Variants in DNAAF4 observed in about 807,000 individuals in gnomAD.
DNAAF4 encodes the protein dynein assembly factor 4, axonemal.
DNAAF4 carries 43 observed loss-of-function variants against 51.8 expected under a neutral mutation model. The observed-to-expected ratio is 0.83, with a 90% CI of 0.65 to 1.07. The LOEUF is 1.07. DNAAF4 is among the 50% of genes least tolerant of loss of function. The probability of loss-of-function intolerance (pLI) is 0.00; values close to 1 mark genes in which losing one functional copy is unlikely to be tolerated. For synonymous variants in DNAAF4, 194 were observed against 165.6 expected (o/e 1.17, Z -1.32); for missense variants, 581 against 493.0 (o/e 1.18, Z -1.69).
chr15:55,466,087 T>C (rs1025344286), intron 5 of DNAAF4, among the ~76,000 whole-genome samples: 5 of 152,210 alleles, frequency 3.3e-5, no homozygotes, highest in African/African-American at 7.2e-5. Context: ...CCAAAACTAC[T>C]GAAATAATAA....
intron 7 of DNAAF4, among the ~76,000 whole-genome samples, chr15:55,438,789 A>C (rs2057660432): frequency 6.6e-6 from 1 of 151,758 alleles, no homozygotes; most frequent in African/African-American, 2.4e-5. Flanking sequence ...TATCTCACAA[A>C]AAAAAAAAAG....
At chr15:55,449,508 T>C (rs928114914) in intron 6 of DNAAF4, among the ~76,000 whole-genome samples, 46 of 148,780 alleles carry the variant, frequency 3.1e-4, no homozygotes, top group Non-Finnish European at 6.3e-4. Context: ...ACTAAAAATA[T>C]AAAAAATTAG....
At chr15:55,432,305 T>C (rs1203407902) in intron 9 of DNAAF4, among the ~76,000 whole-genome samples, 192 bp downstream of exon 9, 1 of 152,188 alleles carries the variant, frequency 6.6e-6, no homozygotes, top group Non-Finnish European at 1.5e-5. Flanking sequence ...TTAATTCTCT[T>C]CTACAATGAA....
rs573970751 is a variant in DNAAF4 at position 55,494,964 on chromosome 15, G to T, written c.271+2748C>A. Among the ~76,000 whole-genome samples the T allele has an allele frequency of 4.6e-5, 7 of 152,206 alleles. No homozygotes were observed. In the South Asian group the frequency reaches 6.2e-4, roughly 14 times the overall value. ...TGTGCTACAATGGCAGAGCTGAATA[G>T]ATATGACAGAGACCATATGGCCTGT... On this transcript the variant is annotated intron_variant, in intron 3 of 9. Transcript: ENST00000321149.
chr15:55,419,021 A>C (rs567806502), intron 7 of DNAAF4, among the ~76,000 whole-genome samples: 1 of 146,194 alleles, frequency 6.8e-6, no homozygotes, highest in South Asian at 2.2e-4. Context: ...GGTTCAAGCG[A>C]TTTTCCTGCC....
At chr15:55,485,994 CAAAAAA>C in intron 4 of DNAAF4, among the ~76,000 whole-genome samples, 1 of 77,716 alleles carries the variant, frequency 1.3e-5, no homozygotes, top group South Asian at 5.2e-4. Context: ...GACTCCATCT[CAAAAAA>C]AAAAAAAAAA....
chr15:55,500,815 A>G (rs2058693110), intron 1 of DNAAF4, among the ~76,000 whole-genome samples: 1 of 151,854 alleles, frequency 6.6e-6, no homozygotes, highest in Non-Finnish European at 1.5e-5. Flanking sequence ...GAACATAGAG[A>G]AAGCTCGTTT....
chr15:55,504,391 T>A (rs2058715619), intron 1 of DNAAF4, among the ~76,000 whole-genome samples: 1 of 152,192 alleles, frequency 6.6e-6, no homozygotes, highest in African/African-American at 2.4e-5. Context: ...AAGCTACCAA[T>A]GACTTTCTTC....
At chr15:55,445,495 A>G (rs1435990224) in intron 6 of DNAAF4, among the ~76,000 whole-genome samples, 1 of 149,490 alleles carries the variant, frequency 6.7e-6, no homozygotes, top group Non-Finnish European at 1.5e-5. Flanking sequence ...AAATTTCCCC[A>G]TTTTCTTTTC....
chr15:55,457,082 C>G (rs985076941), intron 5 of DNAAF4, among the ~76,000 whole-genome samples: 18 of 152,260 alleles, frequency 1.2e-4, no homozygotes, highest in African/African-American at 3.9e-4. Context: ...GAAGCCACAG[C>G]CAATAGTGTG....
At chr15:55,483,447 G>A (rs2058439408) in intron 4 of DNAAF4, among the ~76,000 whole-genome samples, 1 of 152,038 alleles carries the variant, frequency 6.6e-6, no homozygotes, top group South Asian at 2.1e-4. Flanking sequence ...TAGTGGTGAT[G>A]GCTGAATAAC....
downstream of DNAAF4, among the ~76,000 whole-genome samples, chr15:55,429,246 G>A (rs1265935142): frequency 3.9e-5 from 6 of 151,904 alleles, no homozygotes; most frequent in African/African-American, 9.6e-5. Flanking sequence ...AAGGCCGGGC[G>A]CGGTGGCTCA....
rs1446104589 is a variant in DNAAF4, at chr15:55,468,560, T to C, written c.406-1399A>G. On this transcript the variant is annotated intron_variant, in intron 4 of 9. Coordinates refer to ENST00000321149, the MANE Select transcript of DNAAF4 (RefSeq NM_130810.4). ...AATAAGGCATGATGAACACTCCATG[T>C]TAGAGAGGAAGCCACAACCTAAAAG... 3.3e-5 allele frequency among the ~76,000 whole-genome samples: 5 copies of C among 152,128 alleles called. No homozygotes were observed. The East Asian group carries it at 7.7e-4, about 23-fold the overall frequency.
chr15:55,480,581 C>T (rs2141554162), intron 4 of DNAAF4, among the ~76,000 whole-genome samples: 1 of 152,170 alleles, frequency 6.6e-6, no homozygotes, highest in East Asian at 1.9e-4. Context: ...CAATATAGCT[C>T]CCAATAACCA....
At position 55,443,821 on chromosome 15, in the gene DNAAF4, A is replaced by G. The variant is rs375600134; in HGVS notation, c.784-4240T>C. On this transcript the variant is annotated intron_variant, in intron 6 of 9. Coordinates refer to ENST00000321149, the MANE Select transcript of DNAAF4 (RefSeq NM_130810.4). ...AGTGATGATGAGCATTTTTTCATGT[A>G]TCTGTTGGCTGCATAAATGTCTTCT... Among the ~76,000 whole-genome samples, 72 of 152,190 alleles carry G rather than the reference A, an allele frequency of 4.7e-4. 1 individual carries two copies. The highest frequency in any genetic ancestry group is 9.9e-4 in the African/African-American group (41 of 41,538).
intron 5 of DNAAF4, among the ~76,000 whole-genome samples, chr15:55,462,397 G>A (rs1207524111): frequency 5.3e-5 from 8 of 152,150 alleles, no homozygotes; most frequent in Admixed American, 2.0e-4. Context: ...TCACCACGTT[G>A]GGCAGGCTGG....
intron 3 of DNAAF4, among the ~76,000 whole-genome samples, chr15:55,495,977 G>C (rs1399128168): frequency 6.6e-6 from 1 of 152,054 alleles, no homozygotes; most frequent in Non-Finnish European, 1.5e-5. Context: ...CTGTAATCCC[G>C]GCACTTCGGG....
chr15:55,443,041 A>T, intron 6 of DNAAF4: 1 of 1,611,068 alleles, frequency 6.2e-7, no homozygotes, highest in South Asian at 1.1e-5. Context: ...GGCCTGTGAC[A>T]CTTGTTCTTC....
At chr15:55,456,380 C>T (rs998984476) in intron 5 of DNAAF4, among the ~76,000 whole-genome samples, 8 of 152,038 alleles carry the variant, frequency 5.3e-5, no homozygotes, top group African/African-American at 1.9e-4. Context: ...CTGCATCCGG[C>T]GGAAAATGCA....
Sources: gnomAD v4.1 joint callset for allele counts (sites outside exome capture counted in the v4.1 genomes callset) on GRCh38, gnomAD v4.1.1 for gene constraint, MANE v1.5 for transcripts, NCBI Gene and HGNC (gene_info 2026-07-23, HGNC 2026-07-21) for gene names.